INVS: variants seen among roughly 807,000 people sequenced by gnomAD.
The protein encoded by INVS is inversin, also known as inversion of embryo turning homolog.
INVS carries 86 observed loss-of-function variants against 108.8 expected under a neutral mutation model. The observed-to-expected ratio is 0.79, with a 90% confidence interval of 0.66 to 0.95. The LOEUF (loss-of-function observed/expected upper bound fraction) is 0.95. INVS is among the 40% of genes least tolerant of loss of function. The probability of loss-of-function intolerance (pLI) is 0.00; values close to 1 mark genes in which losing one functional copy is unlikely to be tolerated. For missense variants in INVS, 1,169 were observed against 1,297.4 expected (o/e 0.90, Z 1.52); for synonymous variants, 455 against 473.5 (o/e 0.96, Z 0.51).
intron 10 of INVS, among the ~76,000 whole-genome samples, chr9:100,259,639 G>A (rs1054592269): frequency 2.0e-5 from 3 of 148,504 alleles, no homozygotes; most frequent in African/African-American, 5.0e-5. Flanking sequence ...CCGGGTTCAA[G>A]CGATTCTCTT....
intron 3 of INVS, among the ~76,000 whole-genome samples, chr9:100,136,301 A>G (rs1475996296): frequency 3.3e-5 from 5 of 152,188 alleles, no homozygotes; most frequent in East Asian, 3.8e-4. Context: ...TTTTTAATAA[A>G]TAATAATCTC....
chr9:100,259,591 G>A (rs1293102145), intron 10 of INVS, among the ~76,000 whole-genome samples: 3 of 146,028 alleles, frequency 2.1e-5, no homozygotes, highest in Middle Eastern at 3.5e-3. Flanking sequence ...AGGCTGGAGC[G>A]CAGTGGTGCA....
At chr9:100,123,679 C>G (rs1477864802) in intron 2 of INVS, among the ~76,000 whole-genome samples, 1 of 152,154 alleles carries the variant, frequency 6.6e-6, no homozygotes, top group East Asian at 1.9e-4. Flanking sequence ...GAGGAACTTC[C>G]AGAATATTTT....
intron 11 of INVS, among the ~76,000 whole-genome samples, chr9:100,267,742 TATG>T (rs1187155904): frequency 6.6e-6 from 1 of 152,260 alleles, no homozygotes; most frequent in East Asian, 1.9e-4. Flanking sequence ...CAATGTGTTT[TATG>T]ATCACACTTG....
Position 100,116,932 on chromosome 9 carries a change from G to C in INVS, c.107-9451G>C, listed in dbSNP as rs1044487579. 10 of 1,486,498 alleles carry C rather than the reference G, an allele frequency of 6.7e-6. No individual in the cohort carries two copies. The African/African-American group carries it at 1.4e-4, about 21-fold the overall frequency. 92.1% of individuals were successfully genotyped at this position (1,486,498 alleles called of 1,614,324 possible). A position where few individuals can be genotyped will look rare whatever the true frequency, so the allele number is the denominator to read the frequency against. On this transcript the variant is annotated intron_variant, in intron 2 of 16. Transcript: ENST00000262457. ...CATCAAAGGTGGCCTTGGCGAAGTT[G>C]CCCAGGGTGGCATTGCAGCCCCGGG...
chr9:100,226,935 C>T lies in INVS; in HGVS notation c.447+700C>T, dbSNP rs73655137. On this transcript the variant is annotated intron_variant, in intron 4 of 16. Transcript: ENST00000262457. Reference sequence around the variant, plus strand: ...GATGGCCAAATGCCCATGGCAATGTCCTAAATGCTTAGTGGTTTAGTGGCC... The same window carrying T: ...GATGGCCAAATGCCCATGGCAATGTTCTAAATGCTTAGTGGTTTAGTGGCC... Among the ~76,000 whole-genome samples, 991 of 152,118 alleles carry T rather than the reference C, an allele frequency of 6.5e-3. 9 individuals are homozygous for T. Among genetic ancestry groups the T allele is most frequent in the African/African-American group, 0.023 (956 of 41,498 alleles).
chr9:100,205,183 T>G (rs1830638489), intron 3 of INVS, among the ~76,000 whole-genome samples: 1 of 152,202 alleles, frequency 6.6e-6, no homozygotes, highest in Admixed American at 6.5e-5. Context: ...ATGGCCACTC[T>G]GCTGGTGACC....
At chr9:100,175,660 A>G (rs953393424) in intron 3 of INVS, 2 of 635,844 alleles carry the variant, frequency 3.1e-6, no homozygotes, top group East Asian at 3.1e-5. Context: ...GCACCTACCT[A>G]CCCCAGCCTC....
intron 3 of INVS, among the ~76,000 whole-genome samples, chr9:100,156,542 A>G (rs1828989897): frequency 6.6e-6 from 1 of 151,836 alleles, no homozygotes; most frequent in South Asian, 2.1e-4. Flanking sequence ...GTGTATTTAA[A>G]ATACAGTTGT....
chr9:100,199,162 GTTTAC>G (rs779617145), intron 3 of INVS, among the ~76,000 whole-genome samples: 3 of 152,068 alleles, frequency 2.0e-5, no homozygotes, highest in African/African-American at 4.8e-5. Context: ...ATGTCTTATT[GTTTAC>G]TTTATCTGCT....
intron 1 of INVS, among the ~76,000 whole-genome samples, chr9:100,099,764 C>T (rs1266914108): frequency 6.6e-6 from 1 of 152,138 alleles, no homozygotes; most frequent in Non-Finnish European, 1.5e-5. Context: ...TACGAAATTC[C>T]CTAGCAAAGC....
chr9:100,259,702 A>G (rs950247109), intron 10 of INVS, among the ~76,000 whole-genome samples: 1 of 150,090 alleles, frequency 6.7e-6, no homozygotes, highest in African/African-American at 2.5e-5. Flanking sequence ...GGCATCCACC[A>G]CCATGCCTGG....
At chr9:100,185,798 A>G (rs1240107169) in intron 3 of INVS, among the ~76,000 whole-genome samples, 2 of 151,956 alleles carry the variant, frequency 1.3e-5, no homozygotes, top group Non-Finnish European at 2.9e-5. Flanking sequence ...GTGAGAACAT[A>G]CAGTATTTGA....
In INVS at chr9:100,253,136, G is replaced by C. The variant is rs774627868; in HGVS notation, c.1464G>C (p.Glu488Asp). Residue 488 changes from glutamate (E) to aspartate (D), a missense_variant and splice_region_variant, in exon 10 of 17, where the codon GAG becomes GAC. Around this residue, in one of 3 missense-constraint regions of INVS, gnomAD observed 271 missense variants for 363.8 expected, o/e 0.74. Coordinates refer to ENST00000262457, the MANE Select transcript of INVS (RefSeq NM_014425.5). The part of the protein sequence containing the change: ...NNADPNIQDK[E>D]GRTALHWSCN... ...CAGACCCTAACATTCAAGACAAAGAGGTAGAAATTCTGTCTTTTCTATATT... is the reference window on the plus strand; with the variant it reads ...CAGACCCTAACATTCAAGACAAAGACGTAGAAATTCTGTCTTTTCTATATT... 6.2e-7 allele frequency: 1 copy of C among 1,607,130 alleles called. No homozygotes were observed. Among genetic ancestry groups the C allele is most frequent in the Non-Finnish European group, 8.5e-7 (1 of 1,174,180 alleles).
chr9:100,130,874 A>G (rs1265861196), intron 3 of INVS: 1 of 152,218 alleles, frequency 6.6e-6, no homozygotes, highest in Non-Finnish European at 1.5e-5. Flanking sequence ...ATATTAAATG[A>G]TAATTAAAGC....
rs1491176860 is a variant in INVS at position 100,100,917 on chromosome 9, T to TA, written c.-25+1501_-25+1502insA. On this transcript the variant is annotated intron_variant, in intron 1 of 16. Coordinates refer to ENST00000262457, the MANE Select transcript of INVS (RefSeq NM_014425.5). Reference sequence around the variant, plus strand: ...ATATTATATATGTATATATATTATATGTATATATATAATATATATAATATA... The same window carrying TA: ...ATATTATATATGTATATATATTATATAGTATATATATAATATATATAATATA... 2.0e-3 allele frequency among the ~76,000 whole-genome samples: 76 copies of TA among 37,396 alleles called. 8 individuals carry two copies. Among genetic ancestry groups the TA allele is most frequent in the African/African-American group, 0.012 (66 of 5,338 alleles). 24.5% of individuals were successfully genotyped at this position (37,396 alleles called of 152,430 possible). A position where few individuals can be genotyped will look rare whatever the true frequency, so the allele number is the denominator to read the frequency against.
chr9:100,220,402 T>G (rs1831109321), intron 3 of INVS, among the ~76,000 whole-genome samples: 1 of 152,134 alleles, frequency 6.6e-6, no homozygotes, highest in African/African-American at 2.4e-5. Context: ...GAAAAAAAAT[T>G]TATTCACTGT....
chr9:100,220,614 C>G (rs1457859249), intron 3 of INVS, among the ~76,000 whole-genome samples: 1 of 152,056 alleles, frequency 6.6e-6, no homozygotes, highest in Non-Finnish European at 1.5e-5. Flanking sequence ...TATTTCCTAC[C>G]CACTCCAAAA....
rs190518791 is a variant in INVS at position 100,238,026 on chromosome 9, A to G, written c.616-2034A>G. Among the ~76,000 whole-genome samples, 740 of 152,060 alleles carry G rather than the reference A, an allele frequency of 4.9e-3. 16 individuals carry two copies. The highest frequency in any genetic ancestry group is 2.7e-3 in the Non-Finnish European group (184 of 67,952). ...CCTGAGTAGCTGGGACTACAGGCAC[A>G]TGCCACCACGCACAGCTAATTTTTA... On this transcript the variant is annotated intron_variant, in intron 5 of 16. Coordinates refer to ENST00000262457, the MANE Select transcript of INVS (RefSeq NM_014425.5).
Sources: gnomAD v4.1 joint callset for allele counts (sites outside exome capture counted in the v4.1 genomes callset) on GRCh38, gnomAD v4.1.1 for gene constraint, gnomAD v4.1.1 regional missense constraint, MANE v1.5 for transcripts, NCBI Gene and HGNC (gene_info 2026-07-23, HGNC 2026-07-21) for gene names.